USP19: variants seen among roughly 807,000 people sequenced by gnomAD.
USP19 encodes the protein ubiquitin carboxyl-terminal hydrolase 19.
A neutral mutation model predicts 144.8 loss-of-function variants in USP19; 40 were observed. That is an observed-to-expected ratio of 0.28 (90% CI 0.21 to 0.36). The LOEUF is 0.36. Among genes scored for constraint, USP19 ranks in the 10% least tolerant of loss-of-function variants. USP19 has a pLI of 1.00. For synonymous variants in USP19, 701 were observed against 709.3 expected (o/e 0.99, Z 0.19); for missense variants, 1,518 against 1,822.5 (o/e 0.83, Z 3.04).
chr3:49,114,106 G>C lies in USP19; in HGVS notation c.2404-13C>G. The C allele has an allele frequency of 2.5e-6, 4 of 1,614,210 alleles. No individual in the cohort carries two copies. Among genetic ancestry groups the C allele is most frequent in the Non-Finnish European group, 3.4e-6 (4 of 1,180,040 alleles). ...CGCTCACCAGGAACTGTGGCAAAAA[G>C]GGCAGTCAGTGAGGGAGGTGGGCCA... On this transcript the variant is annotated splice_polypyrimidine_tract_variant and intron_variant, in intron 16 of 26. Coordinates refer to ENST00000417901, the MANE Select transcript of USP19 (RefSeq NM_001199161.2). The surrounding 1 kb of genome is among the most constrained non-coding windows in gnomAD (Gnocchi z 4.5).
Position 49,117,228 on chromosome 3 carries a change from C to A in USP19, c.740G>T (p.Arg247Leu). The change falls in exon 6 of 27, where the codon CGG becomes CTG. Residue 247 changes from arginine to leucine, a missense_variant. Arg to Leu is a moderately radical substitution (Grantham distance 102). This residue lies in a region of USP19 where 707 missense variants were observed against 728.9 expected (regional missense o/e 0.97). Coordinates refer to ENST00000417901, the MANE Select transcript of USP19 (RefSeq NM_001199161.2). This position sits in a 1 kb window ranked among gnomAD's most constrained non-coding sequence, Gnocchi z 4.4. The part of the protein sequence containing the change: ...RAKQEARNQK[R>L]AQGRGEVGAG... Reference sequence around the variant, plus strand: ...GCCTACCTCACCACGGCCCTGGGCCCGCTTCTGGTTCCGGGCCTCCTGCTT... The same window carrying A: ...GCCTACCTCACCACGGCCCTGGGCCAGCTTCTGGTTCCGGGCCTCCTGCTT... 1 of 1,550,276 alleles carries A rather than the reference C, an allele frequency of 6.5e-7. No individual in the cohort carries two copies.
rs781746511 is a variant in USP19 at position 49,116,277 on chromosome 3, C to T, written c.1355+3G>A. ...CACAGTGGTGGGGCCGGGCACCACC[C>T]ACCTGAGCTTCACCTGCCAACGGAA... On this transcript the variant is annotated splice_donor_region_variant and intron_variant, in intron 9 of 26. Transcript: ENST00000417901. This position sits in a 1 kb window ranked among gnomAD's most constrained non-coding sequence, Gnocchi z 5.0. The T allele has an allele frequency of 1.2e-6, 2 of 1,613,420 alleles. No individual in the cohort carries two copies. Among genetic ancestry groups the T allele is most frequent in the Admixed American group, 1.7e-5 (1 of 59,984 alleles).
rs556988176 is a variant in USP19 at position 49,111,103 on chromosome 3, C to T, written c.3392G>A (p.Arg1131His). 46 of 1,613,904 alleles carry T rather than the reference C, an allele frequency of 2.9e-5. No homozygotes were observed. The highest frequency in any genetic ancestry group is 3.4e-5 in the Non-Finnish European group (40 of 1,180,042). The change falls in exon 23 of 27, where the codon CGC (arginine) becomes CAC (histidine). Residue 1131 changes from arginine to histidine, a missense_variant. This residue lies in a region of USP19 where 413 missense variants were observed against 515.8 expected (regional missense o/e 0.80). Coordinates refer to ENST00000417901, the MANE Select transcript of USP19 (RefSeq NM_001199161.2). The surrounding 1 kb of genome is among the most constrained non-coding windows in gnomAD (Gnocchi z 5.9). Reference protein sequence around the residue: ...SLALVWRNNERLQEFVLVASK... With the variant: ...SLALVWRNNEHLQEFVLVASK... Reference sequence around the variant, plus strand: ...GGCTACCAACACAAACTCCTGCAAGCGCTCATTGTTCCGCCAGACGAGAGC... The same window carrying T: ...GGCTACCAACACAAACTCCTGCAAGTGCTCATTGTTCCGCCAGACGAGAGC...
Position 49,115,803 on chromosome 3 carries a change from T to G in USP19, c.1613A>C (p.Glu538Ala). Residue 538 changes from glutamate to alanine, a missense_variant, in exon 11 of 27, where the codon GAG becomes GCG. Coordinates refer to ENST00000417901, the MANE Select transcript of USP19 (RefSeq NM_001199161.2). The surrounding 1 kb of genome is among the most constrained non-coding windows in gnomAD (Gnocchi z 6.6). ...TGCCACACTGTCTAGCCCTGTGTCCTCAGATCGTGCCTTGGATTTATCCTT... is the reference window on the plus strand; with the variant it reads ...TGCCACACTGTCTAGCCCTGTGTCCGCAGATCGTGCCTTGGATTTATCCTT... ...VEKDKSKARS[E>A]DTGLDSVATR... 1.9e-6 allele frequency: 3 copies of G among 1,614,098 alleles called. No homozygotes were observed. The South Asian group carries it at 3.3e-5, about 18-fold the overall frequency.
chr3:49,117,606 A>C lies in USP19; in HGVS notation c.473-36T>G. ...AGCAGGGTCCATGAGGTAGGATAGGAGATATCAGAAGATTCAAACATACTA... is the reference window on the plus strand; with the variant it reads ...AGCAGGGTCCATGAGGTAGGATAGGCGATATCAGAAGATTCAAACATACTA... On this transcript the variant is annotated intron_variant, in intron 4 of 26. Transcript: ENST00000417901. The surrounding 1 kb of genome is among the most constrained non-coding windows in gnomAD (Gnocchi z 4.4). The C allele has an allele frequency of 6.2e-7, 1 of 1,614,050 alleles. No homozygotes were observed. Among genetic ancestry groups the C allele is most frequent in the South Asian group, 1.1e-5 (1 of 91,086 alleles).
In USP19 at chr3:49,110,254, C is replaced by G. The variant is rs758861855; in HGVS notation, c.3968G>C (p.Arg1323Thr). 1.3e-6 allele frequency: 2 copies of G among 1,598,464 alleles called. No individual in the cohort carries two copies. Among genetic ancestry groups the G allele is most frequent in the Non-Finnish European group, 1.7e-6 (2 of 1,170,786 alleles). Residue 1323 changes from arginine to threonine, a missense_variant, in exon 26 of 27, where the codon AGG (arginine) becomes ACG (threonine). Physicochemically the swap from Arg to Thr is moderately conservative, Grantham distance 71. Around this residue, in one of 5 missense-constraint regions of USP19, gnomAD observed 118 missense variants for 100.2 expected, o/e 1.18. Transcript: ENST00000417901. This position sits in a 1 kb window ranked among gnomAD's most constrained non-coding sequence, Gnocchi z 6.1. ...FYRRRNSPVE[R>T]PPRAGHSEHH... ...CTCAGAGTGACCTGCCCTGGGGGGC[C>G]TCTCCACAGGAGAGTTCCGCCGGCG...
chr3:49,109,070 G>A, intron 26 of USP19: 1 of 1,608,316 alleles, frequency 6.2e-7, no homozygotes, highest in Non-Finnish European at 8.5e-7. Context: ...ATCTGGTGTG[G>A]TAGGGCCACG....
In USP19 at chr3:49,111,177, G is replaced by C. The variant is rs569125890; in HGVS notation, c.3329-11C>G. 13 of 1,613,732 alleles carry C rather than the reference G, an allele frequency of 8.1e-6. No homozygotes were observed. The highest frequency in any genetic ancestry group is 1.1e-5 in the Non-Finnish European group (13 of 1,180,020). ...CCAGTGGGGTGTCTCCTGGAGATTC[G>C]CAGGGAGAGAGGTCATGCAGCTGTG... is the stretch of plus-strand genomic sequence containing the variant. On this transcript the variant is annotated splice_polypyrimidine_tract_variant and intron_variant, in intron 22 of 26. Coordinates refer to ENST00000417901, the MANE Select transcript of USP19 (RefSeq NM_001199161.2). The surrounding 1 kb of genome is among the most constrained non-coding windows in gnomAD (Gnocchi z 5.9).
Position 49,110,402 on chromosome 3 carries a change from A to G in USP19, c.3860-40T>C. 6.2e-7 allele frequency: 1 copy of G among 1,605,942 alleles called. No homozygotes were observed. Among genetic ancestry groups the G allele is most frequent in the Non-Finnish European group, 8.5e-7 (1 of 1,174,862 alleles). On this transcript the variant is annotated intron_variant, in intron 25 of 26. Transcript: ENST00000417901. The surrounding 1 kb of genome is among the most constrained non-coding windows in gnomAD (Gnocchi z 6.1). ...GAAGAGTGTGAACAAAGTCTGCACCACCACCCCTACCACCTATCCTGCTGG... is the reference window on the plus strand; with the variant it reads ...GAAGAGTGTGAACAAAGTCTGCACCGCCACCCCTACCACCTATCCTGCTGG...
In USP19 at chr3:49,111,975, C is replaced by T. The variant is rs1183595264; in HGVS notation, c.2839G>A (p.Val947Ile). 6.2e-7 allele frequency: 1 copy of T among 1,614,080 alleles called. No individual in the cohort carries two copies. The highest frequency in any genetic ancestry group is 1.1e-5 in the South Asian group (1 of 91,086). ...GTGAGGCGTGAGGCAGGTACACTGA[C>T]CAGGAAGGGGTAGCCAATGTTCTCA... ...RPENIGYPFL[V>I]SVPASRLTYA... is the part of the protein sequence containing the mutation. The change falls in exon 20 of 27, where the codon GTC becomes ATC. Residue 947 changes from valine (V) to isoleucine (I), a missense_variant. Transcript: ENST00000417901. This position sits in a 1 kb window ranked among gnomAD's most constrained non-coding sequence, Gnocchi z 5.9.
rs760951159 is a variant in USP19 at position 49,117,305 on chromosome 3, C to T, written c.663G>A (p.Gly221=). The T allele has an allele frequency of 6.3e-7, 1 of 1,583,614 alleles. No homozygotes were observed. The highest frequency in any genetic ancestry group is 1.1e-5 in the South Asian group (1 of 88,894). Residue 221 remains glycine, a synonymous_variant, in exon 6 of 27, where the codon GGG becomes GGA. Transcript: ENST00000417901. The surrounding 1 kb of genome is among the most constrained non-coding windows in gnomAD (Gnocchi z 4.4). ...LVPGLRCQEN[G]QELSPIALEP... Reference sequence around the variant, plus strand: ...CCAGGGCAATGGGAGACAGTTCCTGCCCATTCTCCTGGCACCGCAGCCCCG... The same window carrying T: ...CCAGGGCAATGGGAGACAGTTCCTGTCCATTCTCCTGGCACCGCAGCCCCG...
rs570910867 is a variant in USP19, at chr3:49,115,656, G to A, written c.1693-17C>T. The A allele has an allele frequency of 9.3e-6, 15 of 1,608,078 alleles. No individual in the cohort carries two copies. Among genetic ancestry groups the A allele is most frequent in the South Asian group, 6.6e-5 (6 of 90,608 alleles). On this transcript the variant is annotated splice_polypyrimidine_tract_variant and intron_variant, in intron 11 of 26. Coordinates refer to ENST00000417901, the MANE Select transcript of USP19 (RefSeq NM_001199161.2). This position sits in a 1 kb window ranked among gnomAD's most constrained non-coding sequence, Gnocchi z 6.6. ...AGGCTTGGGCTGCAGGAGCAAAGAC[G>A]ACATGAGAGAACAGCCCCAAGACTC...
Position 49,110,343 on chromosome 3 carries a change from G to A in USP19, c.3879C>T (p.Asp1293=). 1.3e-6 allele frequency: 2 copies of A among 1,597,958 alleles called. No individual in the cohort carries two copies. The highest frequency in any genetic ancestry group is 1.7e-6 in the Non-Finnish European group (2 of 1,170,110). The change falls in exon 26 of 27, where the codon GAC becomes GAT. Residue 1293 remains aspartate, a synonymous_variant. Coordinates refer to ENST00000417901, the MANE Select transcript of USP19 (RefSeq NM_001199161.2). The surrounding 1 kb of genome is among the most constrained non-coding windows in gnomAD (Gnocchi z 6.1). ...RSDVGWRLFD[D]STVTTVDESQ... Reference sequence around the variant, plus strand: ...TCTCGTCTACCGTTGTCACTGTGCTGTCATCAAACAAGCGCCAGCCTACAG... The same window carrying A: ...TCTCGTCTACCGTTGTCACTGTGCTATCATCAAACAAGCGCCAGCCTACAG...
chr3:49,111,586 G>C lies in USP19; in HGVS notation c.3131C>G (p.Thr1044Ser). The change falls in exon 21 of 27, where the codon ACC becomes AGC. Residue 1044 changes from threonine (T) to serine (S), a missense_variant. Thr to Ser is a moderately conservative substitution (Grantham distance 58, BLOSUM62 1). This residue lies in a region of USP19 where 413 missense variants were observed against 515.8 expected (regional missense o/e 0.80). Transcript: ENST00000417901. The surrounding 1 kb of genome is among the most constrained non-coding windows in gnomAD (Gnocchi z 5.9). Reference protein sequence around the residue: ...AAPDRGPVPSTSGISSEMLAS... With the variant: ...AAPDRGPVPSSSGISSEMLAS... The stretch of plus-strand genomic sequence containing the variant: ...CAGCATCTCAGAAGAAATTCCACTG[G>C]TGCTGGGCACAGGACCCCGGTCAGG... The C allele has an allele frequency of 6.2e-7, 1 of 1,613,114 alleles. No individual in the cohort carries two copies. Among genetic ancestry groups the C allele is most frequent in the Non-Finnish European group, 8.5e-7 (1 of 1,179,986 alleles).
rs1053107110 is a variant in USP19, at chr3:49,110,114, A to G, written c.4038+70T>C. ...GCCTGTGGCTGGAGGAGAGGAAGCT[A>G]TATCCCCCAACCCGGCCCCAGTCTG... On this transcript the variant is annotated intron_variant, in intron 26 of 26. Transcript: ENST00000417901. The surrounding 1 kb of genome is among the most constrained non-coding windows in gnomAD (Gnocchi z 6.1). 1 of 1,431,754 alleles carries G rather than the reference A, an allele frequency of 7.0e-7. No individual in the cohort carries two copies. The highest frequency in any genetic ancestry group is 9.1e-7 in the Non-Finnish European group (1 of 1,094,100). The allele number at this position is 1,431,754 out of a possible 1,614,324, so 88.7% of individuals were successfully genotyped here. A position where few individuals can be genotyped will look rare whatever the true frequency, so the allele number is the denominator to read the frequency against.
At position 49,111,244 on chromosome 3, in the gene USP19, G is replaced by A. The variant is rs1355940635; in HGVS notation, c.3328+11C>T. 1 of 1,614,084 alleles carries A rather than the reference G, an allele frequency of 6.2e-7. No homozygotes were observed. The highest frequency in any genetic ancestry group is 1.3e-5 in the African/African-American group (1 of 75,030). On this transcript the variant is annotated intron_variant, in intron 22 of 26. Coordinates refer to ENST00000417901, the MANE Select transcript of USP19 (RefSeq NM_001199161.2). The surrounding 1 kb of genome is among the most constrained non-coding windows in gnomAD (Gnocchi z 5.9). ...ACCCACCCCATGGCTCCCACCCACA[G>A]CCTCAGACACCTTTGTCCTCTAGCC...
At position 49,114,060 on chromosome 3, in the gene USP19, C is replaced by T; in HGVS notation, c.2437G>A (p.Ala813Thr). 1 of 1,614,190 alleles carries T rather than the reference C, an allele frequency of 6.2e-7. No homozygotes were observed. Among genetic ancestry groups the T allele is most frequent in the South Asian group, 1.1e-5 (1 of 91,086 alleles). The stretch of plus-strand genomic sequence containing the variant: ...GAGAGGGAGTCCAATACTTCGCTCG[C>T]AGTGGAGTTCTCCTTGCTGACGCTC... ...LVSVSKENST[A>T]SEVLDSLSQS... The change falls in exon 17 of 27, where the codon GCG becomes ACG. Residue 813 changes from alanine to threonine, a missense_variant. Around this residue, in one of 5 missense-constraint regions of USP19, gnomAD observed 413 missense variants for 515.8 expected, o/e 0.80. Transcript: ENST00000417901. This position sits in a 1 kb window ranked among gnomAD's most constrained non-coding sequence, Gnocchi z 4.5.
chr3:49,113,845 C>T (rs1371889212), intron 17 of USP19, 147 bp downstream of exon 17: 21 of 809,482 alleles, frequency 2.6e-5, no homozygotes, highest in South Asian at 3.4e-5. Flanking sequence ...CTGCCCACCT[C>T]GGCCTCACAA....
intron 2 of USP19, among the ~76,000 whole-genome samples, 186 bp from the exon 3 acceptor site, chr3:49,118,306 G>A (rs1560047009): frequency 6.6e-6 from 1 of 150,642 alleles, no homozygotes; most frequent in Non-Finnish European, 1.5e-5. Flanking sequence ...GGTGGTTCAC[G>A]CCTGCAATCC....
Sources: gnomAD v4.1 joint callset for allele counts (sites outside exome capture counted in the v4.1 genomes callset) on GRCh38, gnomAD v4.1.1 for gene constraint, gnomAD v4.1.1 regional missense constraint, Gnocchi (gnomAD v3.1) non-coding constraint, MANE v1.5 for transcripts, NCBI Gene and HGNC (gene_info 2026-07-23, HGNC 2026-07-21) for gene names.